Variants in NSMAF observed in about 807,000 individuals in gnomAD.
The protein encoded by NSMAF is neutral sphingomyelinase activation associated factor.
NSMAF carries 90 observed loss-of-function variants against 134.9 expected under a neutral mutation model. The observed-to-expected ratio is 0.67, with a 90% CI of 0.56 to 0.79. The LOEUF (loss-of-function observed/expected upper bound fraction) is 0.79, where lower values mean the gene tolerates loss of function less well. Among genes scored for constraint, NSMAF ranks in the 30% least tolerant of loss-of-function variants. The pLI is 0.00. For synonymous variants in NSMAF, 358 were observed against 389.6 expected, an observed-to-expected ratio of 0.92 and a Z score of 0.96; for missense variants, 1,010 against 1,119.0, an observed-to-expected ratio of 0.90 and a Z score of 1.39.
At chr8:58,646,423 A>G (rs1004222530) in intron 1 of NSMAF, among the ~76,000 whole-genome samples, 2 of 152,216 alleles carry the variant, frequency 1.3e-5, no homozygotes, top group Non-Finnish European at 2.9e-5. Context: ...ATTCTTCCAT[A>G]TAATTATTAA....
intron 9 of NSMAF, among the ~76,000 whole-genome samples, chr8:58,619,262 C>G (rs1025098014): frequency 1.3e-5 from 2 of 152,142 alleles, no homozygotes; most frequent in Non-Finnish European, 2.9e-5. Context: ...GCCTTACTGG[C>G]AAGTTCTTTA....
intron 5 of NSMAF, among the ~76,000 whole-genome samples, chr8:58,632,875 T>G (rs1012808736): frequency 6.6e-6 from 1 of 152,222 alleles, no homozygotes; most frequent in Admixed American, 6.5e-5. Context: ...CACTACTGTC[T>G]ATCTCATTGG....
intron 6 of NSMAF, 101 bp from the exon 7 acceptor site, chr8:58,623,881 G>C: frequency 1.1e-6 from 1 of 915,180 alleles, no homozygotes; most frequent in Non-Finnish European, 1.7e-6. Flanking sequence ...GATAAAATCT[G>C]CATGTTTTAC....
In NSMAF at chr8:58,595,642, C is replaced by T; in HGVS notation, c.1810G>A (p.Asp604Asn). The part of the protein sequence containing the change: ...ADSPGEESFE[D>N]LTEESKTLAW... ...AGTGTTTTGCTTTCTTCGGTCAGGT[C>T]TTCAAAAGACTCTTCACCTGGAGAG... The change falls in exon 22 of 31, where the codon GAC becomes AAC. Residue 604 changes from aspartate to asparagine, a missense_variant. Transcript: ENST00000038176. 6.2e-7 allele frequency: 1 copy of T among 1,613,324 alleles called. No homozygotes were observed. The highest frequency in any genetic ancestry group is 8.5e-7 in the Non-Finnish European group (1 of 1,179,414).
intron 23 of NSMAF, among the ~76,000 whole-genome samples, chr8:58,593,205 C>T (rs574448169): frequency 6.6e-6 from 1 of 152,320 alleles, no homozygotes; most frequent in African/African-American, 2.4e-5. Context: ...CAGAGAAGTG[C>T]CTCGGTGACC....
Position 58,623,228 on chromosome 8 carries a change from G to A in NSMAF, c.549C>T (p.Asp183=), listed in dbSNP as rs1274848370. The change falls in exon 9 of 31, where the codon GAC becomes GAT. Residue 183 remains aspartate (D), a synonymous_variant. Transcript: ENST00000038176. ...GATCATTAGAAACTTACCTGTTTTT[G>A]TCAAATGATGTTCTAGCTAAACGAG... ...LQSRLARTSF[D]KNRFQNISEK... The A allele has an allele frequency of 6.8e-6, 11 of 1,606,900 alleles. No individual in the cohort carries two copies. In the East Asian group the frequency reaches 1.3e-4, roughly 20 times the overall value.
At chr8:58,641,398 C>T (rs1807332694) in intron 2 of NSMAF, among the ~76,000 whole-genome samples, 1 of 152,206 alleles carries the variant, frequency 6.6e-6, no homozygotes, top group African/African-American at 2.4e-5. Flanking sequence ...TATTGTTCTT[C>T]TGATCCTTCC....
chr8:58,640,118 A>G (rs1278949635), intron 2 of NSMAF: 1 of 455,502 alleles, frequency 2.2e-6, no homozygotes, highest in East Asian at 7.0e-5. Context: ...GATTTAATGT[A>G]GAGTTATTGA....
Position 58,586,570 on chromosome 8 carries a change from T to G in NSMAF, c.2334A>C (p.Leu778Phe). Residue 778 changes from leucine to phenylalanine, a missense_variant, in exon 28 of 31, where the codon TTA becomes TTC. Coordinates refer to ENST00000038176, the MANE Select transcript of NSMAF (RefSeq NM_003580.4). Reference sequence around the variant, plus strand: ...CTGTGCCTTCTTTGGTGCCGGAAACTAACAGTGTGCTTGCAGCATTTAAAC... The same window carrying G: ...CTGTGCCTTCTTTGGTGCCGGAAACGAACAGTGTGCTTGCAGCATTTAAAC... Reference protein sequence around the residue: ...TISLNAASTLLVSGTKEGTVN... With the variant: ...TISLNAASTLFVSGTKEGTVN... The G allele has an allele frequency of 6.2e-7, 1 of 1,613,994 alleles. No individual in the cohort carries two copies. The highest frequency in any genetic ancestry group is 8.5e-7 in the Non-Finnish European group (1 of 1,179,926).
chr8:58,596,382 C>T (rs1806134809), intron 21 of NSMAF, among the ~76,000 whole-genome samples: 1 of 152,092 alleles, frequency 6.6e-6, no homozygotes, highest in African/African-American at 2.4e-5. Context: ...TGATTTTGCT[C>T]CCAAAGCTCC....
intron 1 of NSMAF, among the ~76,000 whole-genome samples, chr8:58,652,666 C>T (rs1049152791): frequency 1.3e-5 from 2 of 152,220 alleles, no homozygotes; most frequent in African/African-American, 4.8e-5. Context: ...ACAACTATCA[C>T]TGACCTTTCT....
chr8:58,621,396 T>C (rs1053437948), intron 9 of NSMAF, among the ~76,000 whole-genome samples: 1 of 152,090 alleles, frequency 6.6e-6, no homozygotes, highest in Admixed American at 6.6e-5. Flanking sequence ...TATTAATATT[T>C]TGAATAGTGC....
chr8:58,592,911 C>CA (rs1563524139), intron 23 of NSMAF, among the ~76,000 whole-genome samples: 5 of 60,196 alleles, frequency 8.3e-5, no homozygotes, highest in African/African-American at 2.9e-4. Context: ...ACAAAAACAA[C>CA]AACAACAAAA....
At chr8:58,602,573 T>C (rs1031462065) in intron 13 of NSMAF, among the ~76,000 whole-genome samples, 1 of 152,172 alleles carries the variant, frequency 6.6e-6, no homozygotes, top group Non-Finnish European at 1.5e-5. Flanking sequence ...AAATACTTTA[T>C]CATATTTCTA....
chr8:58,659,393 C>T (rs1807806541), intron 1 of NSMAF, 180 bp downstream of exon 1: 4 of 1,516,418 alleles, frequency 2.6e-6, no homozygotes. Flanking sequence ...GGCCCCCGGC[C>T]TCTCACCCCG....
chr8:58,585,707 C>T lies in NSMAF; in HGVS notation c.2604G>A (p.Leu868=). ...TTGCTCCAAGGAGGTCCCAAACGAG[C>T]AGTTCACCAGACTGACTGCCAGATA... is the stretch of plus-strand genomic sequence containing the variant. ...SVLSGSQSGE[L]LVWDLLGAKI... Residue 868 remains leucine (L), a synonymous_variant, in exon 30 of 31, where the codon CTG becomes CTA. Coordinates refer to ENST00000038176, the MANE Select transcript of NSMAF (RefSeq NM_003580.4). The T allele has an allele frequency of 1.2e-6, 2 of 1,614,160 alleles. No individual in the cohort carries two copies. The highest frequency in any genetic ancestry group is 1.7e-6 in the Non-Finnish European group (2 of 1,180,010).
At chr8:58,658,277 A>T (rs1028531929) in intron 1 of NSMAF, among the ~76,000 whole-genome samples, 4 of 152,242 alleles carry the variant, frequency 2.6e-5, no homozygotes, top group African/African-American at 9.6e-5. Flanking sequence ...CCCAAGTGTG[A>T]GTTACATAGT....
chr8:58,588,579 A>G (rs1204852264), intron 26 of NSMAF: 6 of 1,316,874 alleles, frequency 4.6e-6, no homozygotes, highest in Non-Finnish European at 3.2e-6. Context: ...TGGGAAGCAA[A>G]TAGGCATCAA....
At chr8:58,593,471 A>C (rs1361712888) in intron 23 of NSMAF, among the ~76,000 whole-genome samples, 4 of 152,236 alleles carry the variant, frequency 2.6e-5, no homozygotes, top group African/African-American at 9.6e-5. Flanking sequence ...ATAAAGACTA[A>C]ATAACGAGTA....
Sources: gnomAD v4.1 joint callset for allele counts (sites outside exome capture counted in the v4.1 genomes callset) on GRCh38, gnomAD v4.1.1 for gene constraint, MANE v1.5 for transcripts, NCBI Gene and HGNC (gene_info 2026-07-23, HGNC 2026-07-21) for gene names.